Variants in ULK4 observed in about 807,000 individuals in gnomAD.
ULK4 encodes the protein inactive serine/threonine-protein kinase ULK4.
ULK4 carries 133 observed loss-of-function variants against 160.6 expected under a neutral mutation model. The observed-to-expected ratio is 0.83, with a 90% CI of 0.72 to 0.96. The LOEUF (loss-of-function observed/expected upper bound fraction) is 0.96. Ranked by LOEUF, ULK4 falls within the 40% of genes least tolerant of loss-of-function variation. ULK4 has a pLI of 0.00. For synonymous variants in ULK4, 534 were observed against 539.8 expected, an observed-to-expected ratio of 0.99 and a Z score of 0.15; for missense variants, 1,580 against 1,499.5, an observed-to-expected ratio of 1.05 and a Z score of -0.89.
chr3:41,902,196 GA>G (rs1698395062), intron 12 of ULK4, among the ~76,000 whole-genome samples: 1 of 152,178 alleles, frequency 6.6e-6, no homozygotes, highest in African/African-American at 2.4e-5. Flanking sequence ...ACTGAGTGAG[GA>G]AGGGGCATGG....
At chr3:41,555,917 AAC>A (rs1283076894) in intron 32 of ULK4, among the ~76,000 whole-genome samples, 2 of 152,222 alleles carry the variant, frequency 1.3e-5, no homozygotes, top group Admixed American at 1.3e-4. Context: ...TTAGCAAACT[AAC>A]ACAGGAACAG....
Position 41,809,034 on chromosome 3 carries a change from T to C in ULK4, c.1849-8741A>G, listed in dbSNP as rs183416873. On this transcript the variant is annotated intron_variant, in intron 19 of 36. Transcript: ENST00000301831. Reference sequence around the variant, plus strand: ...TACAAAAATTAGCCAGGCGTGGTGGTGCATGCCTGTAATCTCAGCTACTCA... The same window carrying C: ...TACAAAAATTAGCCAGGCGTGGTGGCGCATGCCTGTAATCTCAGCTACTCA... Among the ~76,000 whole-genome samples, 662 of 152,126 alleles carry C rather than the reference T, an allele frequency of 4.4e-3. 2 individuals are homozygous for C. The highest frequency in any genetic ancestry group is 5.4e-3 in the Non-Finnish European group (364 of 67,988).
intron 31 of ULK4, among the ~76,000 whole-genome samples, chr3:41,577,445 A>G (rs986961439): frequency 1.3e-5 from 2 of 152,182 alleles, no homozygotes; most frequent in African/African-American, 4.8e-5. Flanking sequence ...AAATGGGGGT[A>G]TCCATCACCT....
chr3:41,680,786 G>C (rs1227832440), intron 29 of ULK4, among the ~76,000 whole-genome samples: 1 of 152,148 alleles, frequency 6.6e-6, no homozygotes, highest in African/African-American at 2.4e-5. Flanking sequence ...CCATGATCAG[G>C]TAGGCATATT....
chr3:41,774,838 G>T, intron 21 of ULK4, among the ~76,000 whole-genome samples: 1 of 150,476 alleles, frequency 6.6e-6, no homozygotes, highest in South Asian at 2.1e-4. Flanking sequence ...GTCCAACAAT[G>T]ATAGATTGGA....
chr3:41,442,504 C>T (rs977142911), intron 34 of ULK4, among the ~76,000 whole-genome samples: 2 of 152,138 alleles, frequency 1.3e-5, no homozygotes, highest in Non-Finnish European at 2.9e-5. Context: ...CAAAAATGAC[C>T]ATGCAAAGTT....
chr3:41,575,934 G>T (rs1014493102), intron 31 of ULK4, among the ~76,000 whole-genome samples: 1 of 152,224 alleles, frequency 6.6e-6, no homozygotes, highest in Non-Finnish European at 1.5e-5. Context: ...CAGAGCCAAA[G>T]CTGCTCAGAC....
intron 27 of ULK4, among the ~76,000 whole-genome samples, chr3:41,688,604 C>G (rs996591695): frequency 1.3e-5 from 2 of 151,214 alleles, no homozygotes; most frequent in Non-Finnish European, 2.9e-5. Flanking sequence ...TTCTTTAGAA[C>G]AAAACAAAAC....
Position 41,414,050 on chromosome 3 carries a change from C to T in ULK4, c.3493-15786G>A, listed in dbSNP as rs2046628. ...AGAAACCCCGTCTCTACTTAAAATA[C>T]AAAATTAGCCAGGCATGGCACATGC... On this transcript the variant is annotated intron_variant, in intron 34 of 36. Coordinates refer to ENST00000301831, the MANE Select transcript of ULK4 (RefSeq NM_017886.4). Among the ~76,000 whole-genome samples the T allele has an allele frequency of 4.6e-5, 7 of 152,230 alleles. No homozygotes were observed. The East Asian group carries it at 1.4e-3, about 29-fold the overall frequency.
chr3:41,604,633 T>C (rs1421335639), intron 31 of ULK4, among the ~76,000 whole-genome samples: 3 of 152,160 alleles, frequency 2.0e-5, no homozygotes, highest in African/African-American at 4.8e-5. Context: ...TTAATGAAGA[T>C]GCTTATTGAT....
intron 2 of ULK4, among the ~76,000 whole-genome samples, chr3:41,943,212 CAAAAAA>C (rs71288051): frequency 1.0e-5 from 1 of 95,560 alleles, no homozygotes; most frequent in Non-Finnish European, 2.2e-5. Flanking sequence ...GACTCCATCT[CAAAAAA>C]AAAAAAAAAA....
chr3:41,949,168 G>A (rs1166440745), intron 2 of ULK4, among the ~76,000 whole-genome samples: 1 of 151,960 alleles, frequency 6.6e-6, no homozygotes, highest in Non-Finnish European at 1.5e-5. Flanking sequence ...AATTAGCCAG[G>A]CGTGGTGGCA....
intron 35 of ULK4, among the ~76,000 whole-genome samples, chr3:41,268,621 C>T (rs936560833): frequency 1.3e-5 from 2 of 152,004 alleles, no homozygotes; most frequent in African/African-American, 4.8e-5. Flanking sequence ...GTCTGGCCAA[C>T]ATGGTGAAAC....
chr3:41,889,001 A>T (rs754817342), intron 16 of ULK4, among the ~76,000 whole-genome samples: 1 of 152,184 alleles, frequency 6.6e-6, no homozygotes, highest in Admixed American at 6.5e-5. Context: ...CTTCTATACC[A>T]ATCAATTTAA....
At chr3:41,500,999 C>T (rs557572478) in intron 32 of ULK4, among the ~76,000 whole-genome samples, 1 of 152,240 alleles carries the variant, frequency 6.6e-6, no homozygotes, top group Non-Finnish European at 1.5e-5. Context: ...GGCTAATTAG[C>T]ACAGCTCAAC....
At chr3:41,901,478 C>CTTTTTTTTTTTTTTTTTTT (rs1305478036) in intron 12 of ULK4, among the ~76,000 whole-genome samples, 10 of 22,944 alleles carry the variant, frequency 4.4e-4, no homozygotes, top group Non-Finnish European at 2.2e-3. Flanking sequence ...CCACGCCCAG[C>CTTTTTTTTTTTTTTTTTTT]CTTTTTTTTT....
intron 2 of ULK4, among the ~76,000 whole-genome samples, chr3:41,949,104 C>T (rs988011225): frequency 6.6e-6 from 1 of 151,648 alleles, no homozygotes; most frequent in African/African-American, 2.4e-5. Context: ...GTCAGGAGTT[C>T]GAGACCAGCC....
chr3:41,397,894 T>C (rs771119154), intron 35 of ULK4, among the ~76,000 whole-genome samples, 185 bp downstream of exon 35: 3 of 152,172 alleles, frequency 2.0e-5, no homozygotes, highest in Admixed American at 6.6e-5. Flanking sequence ...TATGTATATA[T>C]GCAGATAAAC....
chr3:41,820,458 T>TCC (rs796781494), intron 18 of ULK4, among the ~76,000 whole-genome samples: 17 of 152,284 alleles, frequency 1.1e-4, no homozygotes, highest in African/African-American at 3.8e-4. Flanking sequence ...GTAGTATATA[T>TCC]CCACCACGAA....
Sources: gnomAD v4.1 joint callset for allele counts (sites outside exome capture counted in the v4.1 genomes callset) on GRCh38, gnomAD v4.1.1 for gene constraint, MANE v1.5 for transcripts, NCBI Gene and HGNC (gene_info 2026-07-23, HGNC 2026-07-21) for gene names.